The following CEP76 variants were observed in gnomAD, a reference collection of about 807,000 sequenced individuals.
CEP76 encodes centrosomal protein of 76 kDa.
A neutral mutation model predicts 83.3 loss-of-function variants in CEP76; 55 were observed. The observed-to-expected ratio is 0.66, with a 90% CI of 0.53 to 0.83. The LOEUF (loss-of-function observed/expected upper bound fraction) is 0.83. CEP76 is among the 40% of genes least tolerant of loss of function. The pLI, the probability that CEP76 is intolerant of heterozygous loss-of-function variation, is 0.00. For missense variants in CEP76, 694 were observed against 799.5 expected, an observed-to-expected ratio of 0.87 and a Z score of 1.59; for synonymous variants, 270 against 274.5, an observed-to-expected ratio of 0.98 and a Z score of 0.16.
chr18:12,665,076 G>C (rs1290268320), intron 12 of CEP76: 1 of 151,968 alleles, frequency 6.6e-6, no homozygotes, highest in Admixed American at 6.6e-5. Context: ...TAGAGGTCTA[G>C]AGCTGCTCTT....
chr18:12,669,529 T>C (rs1006315751), downstream of CEP76, among the ~76,000 whole-genome samples: 6 of 152,140 alleles, frequency 3.9e-5, no homozygotes, highest in Admixed American at 6.6e-5. Context: ...GTTTCTGATA[T>C]TTTTCTATTA....
In CEP76 at chr18:12,699,147, A is replaced by ATTT; in HGVS notation, c.351_352insAAA (p.Ala117_Phe118insLys). 6.2e-7 allele frequency: 1 copy of ATTT among 1,614,142 alleles called. No homozygotes were observed. The highest frequency in any genetic ancestry group is 8.5e-7 in the Non-Finnish European group (1 of 1,180,004). On this transcript the variant is annotated inframe_insertion, in exon 4 of 12. Coordinates refer to ENST00000262127, the MANE Select transcript of CEP76 (RefSeq NM_024899.4). ...TCAGGTTCTTGCAGATGTTCCAAGA[A>ATTT]AGCTTTTCCACCCAAAACCTGAAGG...
chr18:12,681,128 G>A, intron 8 of CEP76, among the ~76,000 whole-genome samples: 1 of 151,558 alleles, frequency 6.6e-6, no homozygotes. Context: ...AACTTGGGAG[G>A]CGGAGGTTGC....
At chr18:12,662,980 G>C (rs972764191) in intron 12 of CEP76, among the ~76,000 whole-genome samples, 3 of 152,094 alleles carry the variant, frequency 2.0e-5, no homozygotes. Flanking sequence ...CTGAATATAA[G>C]TGTAATTATT....
chr18:12,684,662 C>T (rs2039475463), intron 8 of CEP76: 1 of 151,538 alleles, frequency 6.6e-6, no homozygotes, highest in African/African-American at 2.4e-5. Flanking sequence ...TGTATTTTTT[C>T]AGTAGAGATG....
chr18:12,686,724 C>T (rs1449445267), intron 7 of CEP76: 1 of 267,784 alleles, frequency 3.7e-6, no homozygotes, highest in East Asian at 9.0e-5. Context: ...AAGGCTGTGG[C>T]AATAAGAACT....
intron 8 of CEP76, chr18:12,684,206 T>G (rs1264295173): frequency 6.6e-6 from 1 of 152,118 alleles, no homozygotes; most frequent in Non-Finnish European, 1.5e-5. Context: ...CCTGACCGTG[T>G]GATCCGCCCG....
At chr18:12,689,624 T>A (rs572335390) in intron 7 of CEP76, among the ~76,000 whole-genome samples, 3 of 152,330 alleles carry the variant, frequency 2.0e-5, no homozygotes, top group South Asian at 4.1e-4. Flanking sequence ...ACTTCCTTAG[T>A]GCATTTCAAC....
downstream of CEP76, among the ~76,000 whole-genome samples, chr18:12,671,602 A>G (rs1316260555): frequency 6.6e-6 from 1 of 150,778 alleles, no homozygotes; most frequent in Non-Finnish European, 1.5e-5. Context: ...TTTAATATAT[A>G]AAATTTTAAA....
intron 7 of CEP76, among the ~76,000 whole-genome samples, chr18:12,690,762 C>T (rs1348607290): frequency 6.6e-6 from 1 of 151,960 alleles, no homozygotes; most frequent in African/African-American, 2.4e-5. Context: ...GCTGACCTGA[C>T]CATATATTTT....
At chr18:12,668,597 C>CAAAAAAAAAAAAAAAAAA (rs752216074), downstream of CEP76, among the ~76,000 whole-genome samples, 21 of 72,830 alleles carry the variant, frequency 2.9e-4, 2 homozygotes, top group Non-Finnish European at 4.1e-4. Context: ...GATTCCATCT[C>CAAAAAAAAAAAAAAAAAA]AAAAAAAAAA....
chr18:12,688,889 C>T (rs985287063), intron 7 of CEP76, among the ~76,000 whole-genome samples: 12 of 151,826 alleles, frequency 7.9e-5, no homozygotes, highest in Admixed American at 2.0e-4. Context: ...CCGAGGCGGG[C>T]GGGTCATGAG....
At chr18:12,670,015 A>G (rs1315745283), downstream of CEP76, among the ~76,000 whole-genome samples, 2 of 151,296 alleles carry the variant, frequency 1.3e-5, no homozygotes, top group African/African-American at 4.9e-5. Context: ...AAGAAAAGAA[A>G]AAGAAAAAGA....
chr18:12,680,850 A>G, intron 8 of CEP76, 22 bp from the exon 9 acceptor site: 1 of 1,589,622 alleles, frequency 6.3e-7, no homozygotes, highest in Non-Finnish European at 8.6e-7. Context: ...ATTAAAATGA[A>G]GTATTCATTC....
In CEP76 at chr18:12,678,130, G is replaced by C; in HGVS notation, c.1602C>G (p.Leu534=). 4.3e-6 allele frequency: 7 copies of C among 1,612,618 alleles called. No homozygotes were observed. Among genetic ancestry groups the C allele is most frequent in the Non-Finnish European group, 5.9e-6 (7 of 1,178,662 alleles). The part of the protein sequence containing the change: ...TSNEIEMQLR[L]LVSEHRKDLG... ...TTACCTTCCTGTGTTCTGACACCAGGAGCCTCAGCTGCATTTCAATTTCAT... is the reference window on the plus strand; with the variant it reads ...TTACCTTCCTGTGTTCTGACACCAGCAGCCTCAGCTGCATTTCAATTTCAT... Residue 534 remains leucine, a synonymous_variant, in exon 10 of 12, where the codon CTC becomes CTG. Transcript: ENST00000262127.
At chr18:12,669,798 T>C (rs889757553), downstream of CEP76, among the ~76,000 whole-genome samples, 2 of 149,926 alleles carry the variant, frequency 1.3e-5, no homozygotes. Flanking sequence ...GTCGGGAGTT[T>C]GAGACCCTCC....
At chr18:12,699,718 G>T in intron 3 of CEP76, 112 bp downstream of exon 3, 1 of 617,854 alleles carries the variant, frequency 1.6e-6, no homozygotes, top group Non-Finnish European at 2.7e-6. Flanking sequence ...AAAATTTTAA[G>T]TATTTTATTT....
rs751112066 is a variant in CEP76 at position 12,697,282 on chromosome 18, C to T, written c.647G>A (p.Arg216Gln). The change falls in exon 5 of 12, where the codon CGA becomes CAA. Residue 216 changes from arginine to glutamine, a missense_variant. Arg to Gln is a conservative substitution (Grantham distance 43). Coordinates refer to ENST00000262127, the MANE Select transcript of CEP76 (RefSeq NM_024899.4). ...TLVASYFLEW[R>Q]SVLGSENGVT... Reference sequence around the variant, plus strand: ...TCCATTTTCTGAGCCCAAAACCGATCGCCATTCCAGAAAATATGATGCTAC... The same window carrying T: ...TCCATTTTCTGAGCCCAAAACCGATTGCCATTCCAGAAAATATGATGCTAC... 3.1e-6 allele frequency: 5 copies of T among 1,613,966 alleles called. No homozygotes were observed. Among genetic ancestry groups the T allele is most frequent in the South Asian group, 2.2e-5 (2 of 91,074 alleles).
Position 12,702,490 on chromosome 18 carries a change from C to T in CEP76, c.59G>A (p.Ser20Asn), listed in dbSNP as rs937735448. The T allele has an allele frequency of 3.7e-6, 6 of 1,609,236 alleles. No homozygotes were observed. Among genetic ancestry groups the T allele is most frequent in the Non-Finnish European group, 5.1e-6 (6 of 1,177,954 alleles). The change falls in exon 1 of 12, where the codon AGC (serine) becomes AAC (asparagine). Residue 20 changes from serine to asparagine, a missense_variant. Coordinates refer to ENST00000262127, the MANE Select transcript of CEP76 (RefSeq NM_024899.4). ...CCCAGCACCCGCGACTCTCACCTTG[C>T]TCAGCTGCTGGTGGATGAGCTGCTT... Reference protein sequence around the residue: ...ELKQLIHQQLSKMDVHGRIRE... With the variant: ...ELKQLIHQQLNKMDVHGRIRE...
Sources: gnomAD v4.1 joint callset for allele counts (sites outside exome capture counted in the v4.1 genomes callset) on GRCh38, gnomAD v4.1.1 for gene constraint, MANE v1.5 for transcripts, NCBI Gene and HGNC (gene_info 2026-07-23, HGNC 2026-07-21) for gene names.